The following CACNB2 variants were observed in gnomAD, a reference collection of about 807,000 sequenced individuals.
CACNB2 encodes voltage-dependent L-type calcium channel subunit beta-2.
CACNB2 carries 42 observed loss-of-function variants against 73.3 expected under a neutral mutation model. That is an observed-to-expected ratio of 0.57 (90% CI 0.45 to 0.74). The LOEUF is 0.74. Ranked by LOEUF, CACNB2 falls within the 30% of genes least tolerant of loss-of-function variation. The probability of loss-of-function intolerance (pLI) is 0.00; values close to 1 mark genes in which losing one functional copy is unlikely to be tolerated. For missense variants in CACNB2, 940 were observed against 853.0 expected (o/e 1.10, Z -1.27); for synonymous variants, 348 against 310.3 (o/e 1.12, Z -1.28).
At chr10:18,282,225 C>T (rs914482503) in intron 2 of CACNB2, among the ~76,000 whole-genome samples, 5 of 152,048 alleles carry the variant, frequency 3.3e-5, no homozygotes, top group Admixed American at 6.6e-5. Flanking sequence ...GTTTACAGGT[C>T]GTAAGACCCT....
chr10:18,464,418 TAAAAAAAAA>T (rs762982462), intron 3 of CACNB2, among the ~76,000 whole-genome samples: 4 of 85,296 alleles, frequency 4.7e-5, no homozygotes, highest in Non-Finnish European at 6.9e-5. Flanking sequence ...TCTCAAAAAT[TAAAAAAAAA>T]AAAAAAAAAA....
intron 3 of CACNB2, among the ~76,000 whole-genome samples, chr10:18,407,077 T>C (rs2044328109): frequency 6.8e-6 from 1 of 147,058 alleles, no homozygotes; most frequent in African/African-American, 2.5e-5. Flanking sequence ...GTTTACTTCA[T>C]GGTCTTCTAA....
intron 2 of CACNB2, among the ~76,000 whole-genome samples, chr10:18,178,618 T>C (rs1048914207): frequency 8.5e-5 from 13 of 152,230 alleles, no homozygotes; most frequent in African/African-American, 2.9e-4. Flanking sequence ...TTTGCTTGTT[T>C]CATTTAGCAT....
At chr10:18,356,020 G>A (rs1354708094) in intron 2 of CACNB2, among the ~76,000 whole-genome samples, 1 of 152,156 alleles carries the variant, frequency 6.6e-6, no homozygotes, top group Non-Finnish European at 1.5e-5. Context: ...TTTCTGGAAG[G>A]TTTCTGTAAG....
Position 18,500,962 on chromosome 10 carries a change from G to A in CACNB2, c.593+14G>A. On this transcript the variant is annotated intron_variant, in intron 5 of 13. Transcript: ENST00000324631. ...ATTCTACTCCAGGTATGAGACAGAT[G>A]TCAAGTGTTTGCATAAAACTTAGAT... The A allele has an allele frequency of 6.2e-7, 1 of 1,613,128 alleles. No homozygotes were observed. Among genetic ancestry groups the A allele is most frequent in the Non-Finnish European group, 8.5e-7 (1 of 1,179,230 alleles).
Position 18,539,615 on chromosome 10 carries a change from G to T in CACNB2, c.1874G>T (p.Arg625Leu). 5 of 1,613,720 alleles carry T rather than the reference G, an allele frequency of 3.1e-6. No individual in the cohort carries two copies. The highest frequency in any genetic ancestry group is 4.2e-6 in the Non-Finnish European group (5 of 1,179,862). ...EQDHNECNKQ[R>L]SRHKSKDRYC... The stretch of plus-strand genomic sequence containing the variant: ...GACCACAACGAGTGCAACAAGCAGC[G>T]CAGCCGTCATAAATCCAAGGATCGC... Residue 625 changes from arginine (R) to leucine (L), a missense_variant, in exon 14 of 14, where the codon CGC becomes CTC. By Grantham distance (102) the Arg-to-Leu change is moderately radical (BLOSUM62 -2). Transcript: ENST00000324631.
At chr10:18,458,057 A>G (rs1416124946) in intron 3 of CACNB2, among the ~76,000 whole-genome samples, 1 of 152,212 alleles carries the variant, frequency 6.6e-6, no homozygotes, top group African/African-American at 2.4e-5. Context: ...TTTTTGAAAT[A>G]TTTTGATGAT....
chr10:18,541,701 A>C lies in CACNB2; in HGVS notation c.*1977A>C, dbSNP rs2054077582. 1 of 152,070 alleles carries C rather than the reference A, an allele frequency of 6.6e-6. No homozygotes were observed. The highest frequency in any genetic ancestry group is 1.5e-5 in the Non-Finnish European group (1 of 68,048). 9.4% of individuals were successfully genotyped at this position (152,070 alleles called of 1,614,324 possible). ...CGTGGCGAAACCCCGTCTCTACTAAAAAGATAAAAAATTAGCCAGGTGTGG... is the reference window on the plus strand; with the variant it reads ...CGTGGCGAAACCCCGTCTCTACTAACAAGATAAAAAATTAGCCAGGTGTGG... On this transcript the variant is annotated 3_prime_UTR_variant, in exon 14 of 14. Coordinates refer to ENST00000324631, the MANE Select transcript of CACNB2 (RefSeq NM_201596.3).
At chr10:18,443,957 C>T (rs1051404506) in intron 3 of CACNB2, among the ~76,000 whole-genome samples, 6 of 152,124 alleles carry the variant, frequency 3.9e-5, no homozygotes, top group African/African-American at 1.4e-4. Context: ...TCGAGCAATC[C>T]GCCCGCCTTG....
At chr10:18,175,547 C>T (rs2033535947) in intron 2 of CACNB2, among the ~76,000 whole-genome samples, 1 of 152,154 alleles carries the variant, frequency 6.6e-6, no homozygotes, top group Non-Finnish European at 1.5e-5. Context: ...TTCACACACA[C>T]ACCCACTGCC....
At chr10:18,311,845 C>T (rs1589012108) in intron 2 of CACNB2, among the ~76,000 whole-genome samples, 1 of 152,256 alleles carries the variant, frequency 6.6e-6, no homozygotes, top group East Asian at 1.9e-4. Context: ...GGTGTGTAGT[C>T]AGGGAACCGC....
chr10:18,325,563 TCTTTC>T (rs1172827741), intron 2 of CACNB2, among the ~76,000 whole-genome samples: 1 of 151,920 alleles, frequency 6.6e-6, no homozygotes, highest in Non-Finnish European at 1.5e-5. Context: ...TTCTTTTCTT[TCTTTC>T]CTTTCCTTCT....
chr10:18,162,756 A>C lies in CACNB2; in HGVS notation c.213+11781A>C, dbSNP rs1266445479. 2.6e-5 allele frequency among the ~76,000 whole-genome samples: 4 copies of C among 152,346 alleles called. No individual in the cohort carries two copies. The East Asian group carries it at 7.7e-4, about 29-fold the overall frequency. On this transcript the variant is annotated intron_variant, in intron 2 of 13. Coordinates refer to ENST00000324631, the MANE Select transcript of CACNB2 (RefSeq NM_201596.3). ...ATGACTTACTTACATAACATCAGCC[A>C]TTCGTGAACCTGGAGGAAGTATGTG... is the stretch of plus-strand genomic sequence containing the variant.
chr10:18,538,638 C>G (rs1284246279), intron 13 of CACNB2, among the ~76,000 whole-genome samples: 1 of 152,166 alleles, frequency 6.6e-6, no homozygotes, highest in Non-Finnish European at 1.5e-5. Flanking sequence ...GGCTGCACCT[C>G]TTACCACTTG....
At position 18,537,047 on chromosome 10, in the gene CACNB2, G is replaced by T. The variant is rs369724669; in HGVS notation, c.1302+851G>T. Among the ~76,000 whole-genome samples the T allele has an allele frequency of 9.2e-5, 14 of 152,254 alleles. No individual in the cohort carries two copies. In the East Asian group the frequency reaches 1.4e-3, roughly 15 times the overall value. ...TTGCCCAGGCAGGAGTGCAGTGGTGGTGTCTCAGCTCACTATTGCAACCTC... is the reference window on the plus strand; with the variant it reads ...TTGCCCAGGCAGGAGTGCAGTGGTGTTGTCTCAGCTCACTATTGCAACCTC... On this transcript the variant is annotated intron_variant, in intron 12 of 13. Coordinates refer to ENST00000324631, the MANE Select transcript of CACNB2 (RefSeq NM_201596.3).
chr10:18,207,531 C>T (rs1419912464), intron 2 of CACNB2, among the ~76,000 whole-genome samples: 1 of 152,108 alleles, frequency 6.6e-6, no homozygotes, highest in African/African-American at 2.4e-5. Context: ...AACTATATAT[C>T]TTAGTTAATA....
At chr10:18,330,632 C>A (rs1052121229) in intron 2 of CACNB2, among the ~76,000 whole-genome samples, 8 of 152,222 alleles carry the variant, frequency 5.3e-5, no homozygotes, top group African/African-American at 1.2e-4. Context: ...CAGAGCAAGA[C>A]CCTGTCTCCA....
intron 3 of CACNB2, among the ~76,000 whole-genome samples, chr10:18,433,123 TGA>T (rs1491246607): frequency 5.5e-4 from 27 of 49,484 alleles, no homozygotes; most frequent in African/African-American, 3.2e-3. Flanking sequence ...ATGCGTGTAT[TGA>T]TATATATATA....
Position 18,331,524 on chromosome 10 carries a change from A to G in CACNB2, c.214-70400A>G, listed in dbSNP as rs569356383. On this transcript the variant is annotated intron_variant, in intron 2 of 13. Coordinates refer to ENST00000324631, the MANE Select transcript of CACNB2 (RefSeq NM_201596.3). ...TTCTTCTGACTTTTTTTTAACTTAA[A>G]TTAACTGAGAAGCCCTAGAGATTAT... Among the ~76,000 whole-genome samples the G allele has an allele frequency of 6.6e-5, 10 of 151,864 alleles. No homozygotes were observed. In the South Asian group the frequency reaches 1.7e-3, roughly 25 times the overall value.
Sources: gnomAD v4.1 joint callset for allele counts (sites outside exome capture counted in the v4.1 genomes callset) on GRCh38, gnomAD v4.1.1 for gene constraint, MANE v1.5 for transcripts, NCBI Gene and HGNC (gene_info 2026-07-23, HGNC 2026-07-21) for gene names.